Variants in DIP2B observed in about 807,000 individuals in gnomAD.
DIP2B encodes DIP2 acetate--CoA ligase B (putative).
In DIP2B, 76 loss-of-function variants were observed where a neutral mutation model predicts 198.0. The observed-to-expected ratio is 0.38, with a 90% CI of 0.32 to 0.46. The LOEUF is 0.46. DIP2B is among the 20% of genes least tolerant of loss of function. The pLI is 0.99. For missense variants in DIP2B, 1,559 were observed against 1,978.4 expected (o/e 0.79, Z 4.02); for synonymous variants, 701 against 739.1 (o/e 0.95, Z 0.84).
At chr12:50,599,613 C>T (rs1211447763) in intron 1 of DIP2B, among the ~76,000 whole-genome samples, 1 of 151,962 alleles carries the variant, frequency 6.6e-6, no homozygotes, top group East Asian at 1.9e-4. Flanking sequence ...AAGACTCAGT[C>T]TCAAAAAAAC....
At chr12:50,658,649 A>G (rs1454936382) in intron 3 of DIP2B, among the ~76,000 whole-genome samples, 2 of 152,222 alleles carry the variant, frequency 1.3e-5, no homozygotes, top group Non-Finnish European at 2.9e-5. Flanking sequence ...TTTGGAAATA[A>G]CCTAGTATCT....
intron 12 of DIP2B, among the ~76,000 whole-genome samples, chr12:50,687,310 G>A (rs993932042): frequency 3.3e-5 from 5 of 152,094 alleles, no homozygotes; most frequent in East Asian, 3.9e-4. Flanking sequence ...AAGAATTTCC[G>A]TAGCTGAGCA....
chr12:50,682,996 C>T, intron 9 of DIP2B, 142 bp from the exon 10 acceptor site: 2 of 675,362 alleles, frequency 3.0e-6, no homozygotes, highest in Non-Finnish European at 4.8e-6. Flanking sequence ...ATCTCAGTAA[C>T]TTAATTTCCT....
chr12:50,505,060 T>C lies in DIP2B; in HGVS notation c.-81T>C. 1.5e-6 allele frequency: 2 copies of C among 1,348,494 alleles called. No homozygotes were observed. The highest frequency in any genetic ancestry group is 2.0e-6 in the Non-Finnish European group (2 of 993,770). 83.5% of individuals were successfully genotyped at this position (1,348,494 alleles called of 1,614,324 possible). A position where few individuals can be genotyped will look rare whatever the true frequency, so the allele number is the denominator to read the frequency against. On this transcript the variant is annotated 5_prime_UTR_variant, in exon 1 of 38. The change abolishes the stop of an existing upstream ORF in the 5' untranslated region. Coordinates refer to ENST00000301180, the MANE Select transcript of DIP2B (RefSeq NM_173602.3). ...GCTCGGCGGCCGGAGCCGGATCCTG[T>C]AGCCGGGTGTGGGCCCGTGTCTGTC...
chr12:50,706,810 TTTTC>T, intron 21 of DIP2B, 145 bp downstream of exon 21: 31 of 844,746 alleles, frequency 3.7e-5, no homozygotes, highest in East Asian at 1.4e-4. Flanking sequence ...TGGCTTTTTT[TTTTC>T]TTCTTCTTCT....
At chr12:50,678,560 A>G in intron 7 of DIP2B, 119 bp from the exon 8 acceptor site, 2 of 1,092,210 alleles carry the variant, frequency 1.8e-6, no homozygotes, top group Admixed American at 5.5e-5. Flanking sequence ...TCCTTTCTCA[A>G]AGTGAGTTTA....
chr12:50,714,714 A>AGG, intron 23 of DIP2B, 118 bp downstream of exon 23: 1 of 1,250,942 alleles, frequency 8.0e-7, no homozygotes, highest in South Asian at 1.4e-5. Flanking sequence ...CCAAGGTGGG[A>AGG]GGGTCGTGTG....
intron 4 of DIP2B, among the ~76,000 whole-genome samples, chr12:50,670,415 G>GT (rs1938831111): frequency 6.6e-6 from 1 of 151,682 alleles, no homozygotes; most frequent in South Asian, 2.1e-4. Context: ...TATGTTTTTT[G>GT]TTTTTTGTTT....
At chr12:50,558,834 C>T (rs6421169) in intron 1 of DIP2B, among the ~76,000 whole-genome samples, 150,568 of 152,268 alleles carry the variant, frequency 0.99, 74,469 homozygotes, top group East Asian at 1. Context: ...AGTGGGTGCA[C>T]CAGTTCCCTC....
At chr12:50,511,246 A>T (rs942542162) in intron 1 of DIP2B, among the ~76,000 whole-genome samples, 3 of 142,752 alleles carry the variant, frequency 2.1e-5, no homozygotes, top group Non-Finnish European at 4.5e-5. Flanking sequence ...GCCAGGCTCA[A>T]GTACCACCTT....
intron 1 of DIP2B, among the ~76,000 whole-genome samples, chr12:50,608,050 C>T (rs967391904): frequency 6.6e-6 from 1 of 152,078 alleles, no homozygotes; most frequent in Admixed American, 6.5e-5. Flanking sequence ...ATCTTGGGCT[C>T]CCAAAATGTT....
chr12:50,575,853 G>A lies in DIP2B; in HGVS notation c.101-50123G>A, dbSNP rs141808422. On this transcript the variant is annotated intron_variant, in intron 1 of 37. Transcript: ENST00000301180. ...CCTCACTGCAGCCTCTGCCCACCAG[G>A]TTCCAGTGATTCTCCTGCCTCAGCC... 4.7e-3 allele frequency among the ~76,000 whole-genome samples: 721 copies of A among 152,138 alleles called. 8 individuals are homozygous for A. The highest frequency in any genetic ancestry group is 0.016 in the African/African-American group (682 of 41,486).
chr12:50,554,912 C>T (rs1231541969), intron 1 of DIP2B, among the ~76,000 whole-genome samples: 1 of 151,940 alleles, frequency 6.6e-6, no homozygotes, highest in African/African-American at 2.4e-5. Flanking sequence ...GAACTAAAGG[C>T]GCGCGCCACC....
intron 1 of DIP2B, among the ~76,000 whole-genome samples, chr12:50,533,215 TTC>T (rs1479584902): frequency 1.3e-5 from 2 of 152,256 alleles, no homozygotes; most frequent in African/African-American, 2.4e-5. Context: ...TGCTTTGGAA[TTC>T]TCTGTTTTCA....
intron 22 of DIP2B, among the ~76,000 whole-genome samples, chr12:50,712,328 G>A (rs1420581010): frequency 6.6e-6 from 1 of 152,138 alleles, no homozygotes; most frequent in Non-Finnish European, 1.5e-5. Flanking sequence ...TTTTAGCCAG[G>A]CATGATGGCT....
At chr12:50,525,123 C>T (rs149546585) in intron 1 of DIP2B, among the ~76,000 whole-genome samples, 8,831 of 151,992 alleles carry the variant, frequency 0.058, 330 homozygotes, top group Non-Finnish European at 0.088. Flanking sequence ...TTTGGGAGGC[C>T]GAGGCGGGCA....
Position 50,745,995 on chromosome 12 carries a change from G to A in DIP2B, c.*1156G>A, listed in dbSNP as rs1940336325. 1 of 152,228 alleles carries A rather than the reference G, an allele frequency of 6.6e-6. No individual in the cohort carries two copies. Among genetic ancestry groups the A allele is most frequent in the African/African-American group, 2.4e-5 (1 of 41,460 alleles). 9.4% of individuals were successfully genotyped at this position (152,228 alleles called of 1,614,324 possible). A position where few individuals can be genotyped will look rare whatever the true frequency, so the allele number is the denominator to read the frequency against. On this transcript the variant is annotated 3_prime_UTR_variant, in exon 38 of 38. Coordinates refer to ENST00000301180, the MANE Select transcript of DIP2B (RefSeq NM_173602.3). ...AGGCAGTGGGGATCCACCATCACATGGAACTGTAAGGCCATATAACTACAC... is the reference window on the plus strand; with the variant it reads ...AGGCAGTGGGGATCCACCATCACATAGAACTGTAAGGCCATATAACTACAC...
rs1249323109 is a variant in DIP2B, at chr12:50,732,567, AAT to A, written c.3981+32_3981+33del. ...CCTCATGAAATCTTGTCTGTTGACAAATGGGAGAGGAATATGGAGTATCCCAG... is the reference window on the plus strand; with the variant it reads ...CCTCATGAAATCTTGTCTGTTGACAAGGGAGAGGAATATGGAGTATCCCAG... On this transcript the variant is annotated intron_variant, in intron 32 of 37. Coordinates refer to ENST00000301180, the MANE Select transcript of DIP2B (RefSeq NM_173602.3). The A allele has an allele frequency of 1.9e-6, 3 of 1,612,352 alleles. No homozygotes were observed. The African/African-American group carries it at 4.0e-5, about 22-fold the overall frequency.
intron 27 of DIP2B, among the ~76,000 whole-genome samples, chr12:50,724,270 A>C (rs1443982287): frequency 6.6e-6 from 1 of 152,194 alleles, no homozygotes; most frequent in African/African-American, 2.4e-5. Context: ...GTCACTTTGC[A>C]TTTCTGTGTA....
Sources: allele counts gnomAD v4.1 joint callset (sites outside exome capture counted in the v4.1 genomes callset), GRCh38; gene constraint gnomAD v4.1.1; transcripts MANE v1.5; gene names NCBI Gene and HGNC (gene_info 2026-07-23, HGNC 2026-07-21).